The following PTTG1IP variants were observed in gnomAD, a reference collection of about 807,000 sequenced individuals.
PTTG1IP encodes PTTG1 interacting protein.
A neutral mutation model predicts 24.4 loss-of-function variants in PTTG1IP; 16 were observed. That is an observed-to-expected ratio of 0.66 (90% CI 0.44 to 1.00). The LOEUF (loss-of-function observed/expected upper bound fraction) is 1.00, where lower values mean the gene tolerates loss of function less well. PTTG1IP is among the 50% of genes least tolerant of loss of function. The pLI, the probability that PTTG1IP is intolerant of heterozygous loss-of-function variation, is 0.00. For missense variants in PTTG1IP, 241 were observed against 245.8 expected (o/e 0.98, Z 0.13); for synonymous variants, 89 against 96.8 (o/e 0.92, Z 0.47).
intron 3 of PTTG1IP, among the ~76,000 whole-genome samples, chr21:44,859,300 G>GC (rs970328081): frequency 3.9e-5 from 6 of 152,224 alleles, no homozygotes; most frequent in African/African-American, 1.2e-4. Context: ...CAGGAATTGG[G>GC]CCTTCTGAAA....
At chr21:44,856,098 A>AG (rs1473856775) in intron 4 of PTTG1IP, 95 bp downstream of exon 4, 32 of 1,608,682 alleles carry the variant, frequency 2.0e-5, no homozygotes, top group Middle Eastern at 3.3e-4. Flanking sequence ...CTAAAAACTG[A>AG]GGAAAACTCA....
At chr21:44,873,033 G>A (rs2083602478) in intron 1 of PTTG1IP, 1 of 129,540 alleles carries the variant, frequency 7.7e-6, no homozygotes, top group South Asian at 2.2e-4. Flanking sequence ...CACACCGGCC[G>A]CGGCCCCATC....
chr21:44,861,437 G>A (rs186136293), intron 2 of PTTG1IP, among the ~76,000 whole-genome samples, 166 bp from the exon 3 acceptor site: 3 of 152,194 alleles, frequency 2.0e-5, no homozygotes, highest in East Asian at 1.9e-4. Flanking sequence ...AGCGCCCTTC[G>A]GTCCACACCC....
chr21:44,863,615 G>A (rs1284297978), intron 2 of PTTG1IP, among the ~76,000 whole-genome samples: 2 of 152,166 alleles, frequency 1.3e-5, no homozygotes, highest in African/African-American at 2.4e-5. Context: ...GGGTACTATG[G>A]CAAAAACGCA....
intron 1 of PTTG1IP, among the ~76,000 whole-genome samples, chr21:44,867,986 C>T (rs1398697391): frequency 6.6e-6 from 1 of 152,236 alleles, no homozygotes; most frequent in Admixed American, 6.5e-5. Flanking sequence ...GTCACATATT[C>T]TATAGCAATT....
Position 44,855,217 on chromosome 21 carries a change from T to A in PTTG1IP, c.489A>T (p.Lys163Asn), listed in dbSNP as rs1399956835. Reference sequence around the variant, plus strand: ...GGCGTGACCAGTCCTTACCATATTTTTTTCTGATTTCATCATGTCTTGTCT... The same window carrying A: ...GGCGTGACCAGTCCTTACCATATTTATTTCTGATTTCATCATGTCTTGTCT... ...EMKTRHDEIR[K>N]KYGLFKEENP... Residue 163 changes from lysine (K) to asparagine (N), a missense_variant, in exon 5 of 6, where the codon AAA becomes AAT. By Grantham distance (94) the Lys-to-Asn change is moderately conservative. Coordinates refer to ENST00000330938, the MANE Select transcript of PTTG1IP (RefSeq NM_004339.4). The A allele has an allele frequency of 6.2e-7, 1 of 1,611,584 alleles. No homozygotes were observed. The highest frequency in any genetic ancestry group is 2.2e-5 in the East Asian group (1 of 44,884).
At chr21:44,859,174 C>T (rs538744530) in intron 3 of PTTG1IP, among the ~76,000 whole-genome samples, 11 of 152,334 alleles carry the variant, frequency 7.2e-5, no homozygotes, top group Admixed American at 5.9e-4. Flanking sequence ...ATCTCGGGCA[C>T]ATGCTGAATA....
intron 1 of PTTG1IP, among the ~76,000 whole-genome samples, chr21:44,866,253 A>AAC (rs140432843): frequency 1.0e-3 from 115 of 111,978 alleles, no homozygotes; most frequent in Middle Eastern, 5.1e-3. Context: ...CCAATCCCAT[A>AAC]ACACACACAC....
chr21:44,851,316 G>T lies in PTTG1IP; in HGVS notation c.*265C>A. On this transcript the variant is annotated 3_prime_UTR_variant, in exon 6 of 6. Transcript: ENST00000330938. ...CAGTTAGCGTTTCACAAACTGAGAA[G>T]AGTATAAAAAAGCCCAAACCCCAAA... 2 of 1,477,158 alleles carry T rather than the reference G, an allele frequency of 1.4e-6. No individual in the cohort carries two copies. The highest frequency in any genetic ancestry group is 2.5e-5 in the East Asian group (1 of 39,956). 91.5% of individuals were successfully genotyped at this position (1,477,158 alleles called of 1,614,324 possible).
At chr21:44,861,364 G>A (rs1165163986) in intron 2 of PTTG1IP, 93 bp from the exon 3 acceptor site, 17 of 1,047,836 alleles carry the variant, frequency 1.6e-5, no homozygotes, top group African/African-American at 6.4e-5. Flanking sequence ...TGCTGCCATC[G>A]CTCTGTGGAT....
rs1321557576 is a variant in PTTG1IP, at chr21:44,850,162, G to A, written c.*1419C>T. 1 of 152,218 alleles carries A rather than the reference G, an allele frequency of 6.6e-6. No individual in the cohort carries two copies. The highest frequency in any genetic ancestry group is 2.4e-5 in the African/African-American group (1 of 41,446). The allele number at this position is 152,218 out of a possible 1,614,324, so 9.4% of individuals were successfully genotyped here. On this transcript the variant is annotated 3_prime_UTR_variant, in exon 6 of 6. Coordinates refer to ENST00000330938, the MANE Select transcript of PTTG1IP (RefSeq NM_004339.4). ...CCTGTGAACTTTAGTTCACGCTGAA[G>A]ACAGTCTTCTCAGTTTTCATGACTG...
intron 1 of PTTG1IP, 79 bp downstream of exon 1, chr21:44,873,423 A>G: frequency 8.3e-7 from 1 of 1,203,692 alleles, no homozygotes; most frequent in Non-Finnish European, 1.0e-6. Context: ...GCCCTGGCCG[A>G]AACCCCGACC....
chr21:44,866,732 T>C (rs1477994219), intron 1 of PTTG1IP, among the ~76,000 whole-genome samples: 9 of 151,944 alleles, frequency 5.9e-5, no homozygotes, highest in Non-Finnish European at 5.9e-5. Context: ...AAAAGAGCTC[T>C]GTGCTCATCA....
In PTTG1IP at chr21:44,861,058, T is replaced by TC. The variant is rs377218709; in HGVS notation, c.277+104dup. The TC allele has an allele frequency of 1.5e-3, 1,310 of 903,198 alleles. 27 individuals carry two copies. In the South Asian group the frequency reaches 0.02, roughly 14 times the overall value. The allele number at this position is 903,198 out of a possible 1,614,324, so 55.9% of individuals were successfully genotyped here. On this transcript the variant is annotated intron_variant, in intron 3 of 5. Transcript: ENST00000330938. ...ACCTCTTGATCCACCCGCCTCCGCC[T>TC]CCCAAAGTGCTGGGATTACAGACGT...
At position 44,855,069 on chromosome 21, in the gene PTTG1IP, T is replaced by C. The variant is rs1464043489; in HGVS notation, c.496+141A>G. Reference sequence around the variant, plus strand: ...AGAACCGCTGGGGACAACCGCCAGCTGCTCCTCTCTGGAGAGACGTCCTTC... The same window carrying C: ...AGAACCGCTGGGGACAACCGCCAGCCGCTCCTCTCTGGAGAGACGTCCTTC... On this transcript the variant is annotated intron_variant, in intron 5 of 5. Coordinates refer to ENST00000330938, the MANE Select transcript of PTTG1IP (RefSeq NM_004339.4). The C allele has an allele frequency of 4.9e-6, 4 of 815,486 alleles. No individual in the cohort carries two copies. The Admixed American group carries it at 9.8e-5, about 20-fold the overall frequency. 50.5% of individuals were successfully genotyped at this position (815,486 alleles called of 1,614,324 possible).
At chr21:44,856,864 C>T (rs535744802) in intron 3 of PTTG1IP, among the ~76,000 whole-genome samples, 7 of 152,186 alleles carry the variant, frequency 4.6e-5, no homozygotes, top group South Asian at 4.2e-4. Flanking sequence ...CACATACTGG[C>T]GGCCAGGTTC....
chr21:44,855,174 C>T (rs371707982), intron 5 of PTTG1IP, 36 bp downstream of exon 5: 314 of 1,584,654 alleles, frequency 2.0e-4, no homozygotes, highest in Non-Finnish European at 2.6e-4. Flanking sequence ...CCATCGCCTC[C>T]CAACCAGACA....
intron 1 of PTTG1IP, among the ~76,000 whole-genome samples, chr21:44,866,665 C>T (rs1055449377): frequency 1.4e-5 from 2 of 138,772 alleles, no homozygotes; most frequent in Admixed American, 1.4e-4. Context: ...CACAGACTGC[C>T]TACTCCAATC....
In PTTG1IP at chr21:44,873,623, C is replaced by T. The variant is rs1170978796; in HGVS notation, c.-7G>A. The T allele has an allele frequency of 2.1e-6, 3 of 1,422,008 alleles. No individual in the cohort carries two copies. The East Asian group carries it at 9.1e-5, about 43-fold the overall frequency. The allele number at this position is 1,422,008 out of a possible 1,614,324, so 88.1% of individuals were successfully genotyped here. ...GGGCCACTCCGGGCGCCATGGTCGG[C>T]CGGTCGCTCTATCAGTCAGTGGAGC... On this transcript the variant is annotated 5_prime_UTR_variant, in exon 1 of 6. Coordinates refer to ENST00000330938, the MANE Select transcript of PTTG1IP (RefSeq NM_004339.4).
Sources: gnomAD v4.1 joint callset for allele counts (sites outside exome capture counted in the v4.1 genomes callset) on GRCh38, gnomAD v4.1.1 for gene constraint, MANE v1.5 for transcripts, NCBI Gene and HGNC (gene_info 2026-07-23, HGNC 2026-07-21) for gene names.